LRP2: variants seen among roughly 807,000 people sequenced by gnomAD.
LRP2 encodes low-density lipoprotein receptor-related protein 2.
A neutral mutation model predicts 531.0 loss-of-function variants in LRP2; 172 were observed. The ratio of observed to expected loss-of-function variants is 0.32; its 90% CI spans 0.29 to 0.37. The LOEUF (loss-of-function observed/expected upper bound fraction) is 0.37. Among genes scored for constraint, LRP2 ranks in the 10% least tolerant of loss-of-function variants. The probability of loss-of-function intolerance (pLI) is 1.00; values close to 1 mark genes in which losing one functional copy is unlikely to be tolerated. For missense variants in LRP2, 5,167 were observed against 5,868.3 expected, an observed-to-expected ratio of 0.88 and a Z score of 3.90; for synonymous variants, 1,992 against 2,027.6, an observed-to-expected ratio of 0.98 and a Z score of 0.47.
In LRP2 at chr2:169,168,637, A is replaced by G. The variant is rs761501488; in HGVS notation, c.11537T>C (p.Met3846Thr). ...ACAAACATGGTTTTTGCATTCGAAC[A>G]TAGTAGCCTGGCAGTATGCACCATC... ...FPDGAYCQAT[M>T]FECKNHVCIP... Residue 3846 changes from methionine (M) to threonine (T), a missense_variant, in exon 61 of 79, where the codon ATG (methionine) becomes ACG (threonine). By Grantham distance (81) the Met-to-Thr change is moderately conservative. This residue lies in a region of LRP2 where 564 missense variants were observed against 747.7 expected (regional missense o/e 0.75). Coordinates refer to ENST00000649046, the MANE Select transcript of LRP2 (RefSeq NM_004525.3). The G allele has an allele frequency of 6.2e-7, 1 of 1,614,140 alleles. No individual in the cohort carries two copies. The highest frequency in any genetic ancestry group is 1.1e-5 in the South Asian group (1 of 91,084).
chr2:169,201,809 A>C lies in LRP2; in HGVS notation c.8271T>G (p.Ser2757=). ...AGTCATTGTAGTAATCACAGCGGTA[A>C]GAGTATTGGACACATCGCCCATTGG... ...TCANGRCVQY[S]YRCDYYNDCG... The change falls in exon 44 of 79, where the codon TCT becomes TCG. Residue 2757 remains serine (S), a synonymous_variant. Transcript: ENST00000649046. 1 of 1,614,238 alleles carries C rather than the reference A, an allele frequency of 6.2e-7. No individual in the cohort carries two copies. Among genetic ancestry groups the C allele is most frequent in the Non-Finnish European group, 8.5e-7 (1 of 1,180,036 alleles).
At chr2:169,342,678 T>A (rs1685596401) in intron 1 of LRP2, among the ~76,000 whole-genome samples, 1 of 152,186 alleles carries the variant, frequency 6.6e-6, no homozygotes, top group Admixed American at 6.6e-5. Context: ...GTTGACTACA[T>A]CACTGCCTTT....
chr2:169,311,193 C>T (rs13004829), intron 3 of LRP2, among the ~76,000 whole-genome samples: 8 of 151,824 alleles, frequency 5.3e-5, no homozygotes, highest in Admixed American at 2.6e-4. Context: ...TTTGTGTCTC[C>T]ATCTCCTTCA....
At chr2:169,158,061 T>TATATATAC (rs71397692) in intron 63 of LRP2, among the ~76,000 whole-genome samples, 1 of 141,392 alleles carries the variant, frequency 7.1e-6, no homozygotes, top group East Asian at 2.1e-4. Flanking sequence ...ATTGATTATA[T>TATATATAC]ACACACACAC....
chr2:169,323,278 C>A (rs888101857), intron 1 of LRP2, among the ~76,000 whole-genome samples: 1 of 152,130 alleles, frequency 6.6e-6, no homozygotes, highest in Non-Finnish European at 1.5e-5. Flanking sequence ...AACTTCGATG[C>A]CTGTTTATAA....
intron 71 of LRP2, among the ~76,000 whole-genome samples, chr2:169,141,151 T>C (rs1016973100): frequency 1.3e-5 from 2 of 152,342 alleles, no homozygotes; most frequent in East Asian, 3.9e-4. Flanking sequence ...GTCTTTTATA[T>C]TGAAGATGCT....
intron 33 of LRP2, among the ~76,000 whole-genome samples, chr2:169,223,765 G>A (rs558247300): frequency 6.6e-6 from 1 of 152,204 alleles, no homozygotes; most frequent in South Asian, 2.1e-4. Flanking sequence ...AGCCTCCAAG[G>A]GGCCCTTCAT....
chr2:169,290,550 C>T (rs1039952916), intron 8 of LRP2, among the ~76,000 whole-genome samples: 2 of 152,182 alleles, frequency 1.3e-5, no homozygotes, highest in South Asian at 4.1e-4. Flanking sequence ...TAAGTAGAAC[C>T]TTGAAAGTAC....
chr2:169,213,609 GA>G (rs750729838), intron 36 of LRP2, 47 bp downstream of exon 36: 2 of 1,417,272 alleles, frequency 1.4e-6, no homozygotes, highest in Admixed American at 3.4e-5. Flanking sequence ...AGTTATGTGT[GA>G]ATATGCATTA....
At chr2:169,168,467 T>G (rs1384066950) in intron 61 of LRP2, 72 bp downstream of exon 61, 1 of 1,583,386 alleles carries the variant, frequency 6.3e-7, no homozygotes, top group East Asian at 2.2e-5. Context: ...CAGGCTCACA[T>G]GCTACACGTA....
At chr2:169,182,036 C>T (rs1687457865) in intron 51 of LRP2, 131 bp downstream of exon 51, 1 of 1,152,462 alleles carries the variant, frequency 8.7e-7, no homozygotes, top group Middle Eastern at 2.8e-4. Flanking sequence ...AAACAATTTA[C>T]CAAGTAGGAA....
chr2:169,177,241 T>C (rs1223671689), intron 53 of LRP2, among the ~76,000 whole-genome samples: 1 of 152,218 alleles, frequency 6.6e-6, no homozygotes, highest in African/African-American at 2.4e-5. Context: ...CAGACCTTTA[T>C]CTTTATTTCA....
chr2:169,244,770 T>C lies in LRP2; in HGVS notation c.3353A>G (p.Asn1118Ser), dbSNP rs1228416141. 1 of 1,614,236 alleles carries C rather than the reference T, an allele frequency of 6.2e-7. No homozygotes were observed. The highest frequency in any genetic ancestry group is 2.2e-5 in the East Asian group (1 of 44,886). ...SCLDTQYTCDNHQCISKNWVC... is the reference protein window; with the variant it reads ...SCLDTQYTCDSHQCISKNWVC... ...CCAGTTCTTTGAGATACACTGGTGA[T>C]TATCACAGGTGTATTGGGTGTCAAG... Residue 1118 changes from asparagine (N) to serine (S), a missense_variant, in exon 22 of 79, where the codon AAT becomes AGT. Physicochemically the swap from Asn to Ser is conservative, Grantham distance 46. This residue lies in a region of LRP2 where 2,811 missense variants were observed against 3,058.0 expected (regional missense o/e 0.92). Transcript: ENST00000649046.
rs144122865 is a variant in LRP2 at position 169,291,079 on chromosome 2, T to C, written c.770-82A>G. On this transcript the variant is annotated intron_variant, in intron 7 of 78. Transcript: ENST00000649046. ...GTTAATCAGTGGTTTACAGAGGATG[T>C]AGAGCAAGTTGAACAAGAGAAATCT... The C allele has an allele frequency of 6.5e-4, 822 of 1,263,090 alleles. 3 individuals carry two copies. The African/African-American group carries it at 0.011, about 17-fold the overall frequency. 78.2% of individuals were successfully genotyped at this position (1,263,090 alleles called of 1,614,324 possible). A position where few individuals can be genotyped will look rare whatever the true frequency, so the allele number is the denominator to read the frequency against.
intron 72 of LRP2, 146 bp from the exon 73 acceptor site, chr2:169,139,756 T>C: frequency 9.2e-6 from 7 of 760,404 alleles, no homozygotes; most frequent in South Asian, 7.2e-5. Flanking sequence ...CTTTTGTTCA[T>C]TCTGCCAAGA....
chr2:169,210,109 C>T (rs1022442284), intron 37 of LRP2, among the ~76,000 whole-genome samples: 1 of 152,116 alleles, frequency 6.6e-6, no homozygotes, highest in Admixed American at 6.6e-5. Flanking sequence ...GAAGAGCTTT[C>T]CTTTATAGAA....
At position 169,241,001 on chromosome 2, in the gene LRP2, C is replaced by T. The variant is rs1191703468; in HGVS notation, c.4032G>A (p.Glu1344=). 6.2e-7 allele frequency: 1 copy of T among 1,613,286 alleles called. No individual in the cohort carries two copies. Among genetic ancestry groups the T allele is most frequent in the Non-Finnish European group, 8.5e-7 (1 of 1,180,030 alleles). ...GIFDCPNGTD[E]SPLCNGNSCS... is the part of the protein sequence containing the mutation. ...CAGGAAACTTACTGCAAAGTGGGGACTCATCTGTCCCATTGGGGCAGTCAA... is the reference window on the plus strand; with the variant it reads ...CAGGAAACTTACTGCAAAGTGGGGATTCATCTGTCCCATTGGGGCAGTCAA... The change falls in exon 25 of 79, where the codon GAG becomes GAA. Residue 1344 remains glutamate (E), a synonymous_variant. Coordinates refer to ENST00000649046, the MANE Select transcript of LRP2 (RefSeq NM_004525.3).
At position 169,211,938 on chromosome 2, in the gene LRP2, C is replaced by A; in HGVS notation, c.6280+30G>T. The A allele has an allele frequency of 1.9e-6, 3 of 1,613,458 alleles. No individual in the cohort carries two copies. The South Asian group carries it at 3.3e-5, about 18-fold the overall frequency. On this transcript the variant is annotated intron_variant, in intron 37 of 78. Transcript: ENST00000649046. Reference sequence around the variant, plus strand: ...ATTTCAACCTGGTGCCAGATGAAGTCAAATCTTACTTATATTGGAGTTGGC... The same window carrying A: ...ATTTCAACCTGGTGCCAGATGAAGTAAAATCTTACTTATATTGGAGTTGGC...
intron 71 of LRP2, among the ~76,000 whole-genome samples, chr2:169,142,022 A>T (rs1685738786): frequency 6.6e-6 from 1 of 152,208 alleles, no homozygotes; most frequent in Non-Finnish European, 1.5e-5. Context: ...GAAGGCCCCA[A>T]GGATGTGAGC....
Sources: gnomAD v4.1 joint callset for allele counts (sites outside exome capture counted in the v4.1 genomes callset) on GRCh38, gnomAD v4.1.1 for gene constraint, gnomAD v4.1.1 regional missense constraint, MANE v1.5 for transcripts, NCBI Gene and HGNC (gene_info 2026-07-23, HGNC 2026-07-21) for gene names.